The following PDE1C variants were observed in gnomAD, a reference collection of about 807,000 sequenced individuals.
PDE1C encodes phosphodiesterase 1C, also known as dual specificity calcium/calmodulin-dependent 3',5'-cyclic nucleotide phosphodiesterase 1C.
A neutral mutation model predicts 93.1 loss-of-function variants in PDE1C; 62 were observed. That is an observed-to-expected ratio of 0.67 (90% CI 0.54 to 0.82). The LOEUF is 0.82. Ranked by LOEUF, PDE1C falls within the 40% of genes least tolerant of loss-of-function variation. The pLI is 0.00. For synonymous variants in PDE1C, 325 were observed against 310.1 expected, an observed-to-expected ratio of 1.05 and a Z score of -0.50; for missense variants, 742 against 884.6, an observed-to-expected ratio of 0.84 and a Z score of 2.04.
chr7:31,942,151 G>C (rs1011941065), intron 2 of PDE1C, among the ~76,000 whole-genome samples: 3 of 152,274 alleles, frequency 2.0e-5, no homozygotes, highest in African/African-American at 7.2e-5. Flanking sequence ...GCAGCATGGG[G>C]AAACCTCAGG....
chr7:31,625,782 AC>A, the PDE1C span, among the ~76,000 whole-genome samples: 2 of 152,142 alleles, frequency 1.3e-5, no homozygotes, highest in South Asian at 2.1e-4. Context: ...TAAAAAAAAA[AC>A]AGTTAAAGAA....
the PDE1C span, among the ~76,000 whole-genome samples, chr7:31,741,985 A>G: frequency 6.6e-6 from 1 of 152,214 alleles, no homozygotes; most frequent in Non-Finnish European, 1.5e-5. Flanking sequence ...TGCCCACTGG[A>G]TGAGAGCTCC....
At chr7:31,864,921 A>T in intron 7 of PDE1C, 21 bp downstream of exon 7, 1 of 1,608,456 alleles carries the variant, frequency 6.2e-7, no homozygotes, top group South Asian at 1.1e-5. Flanking sequence ...GGGGAACCTA[A>T]GAGTTCCTAT....
At chr7:31,779,250 T>A (rs769743751) in intron 16 of PDE1C, among the ~76,000 whole-genome samples, 5 of 152,190 alleles carry the variant, frequency 3.3e-5, no homozygotes, top group Non-Finnish European at 5.9e-5. Context: ...TGGATACTCT[T>A]GTGAAGTTGA....
chr7:31,802,322 G>C (rs1562824448), intron 16 of PDE1C, among the ~76,000 whole-genome samples: 1 of 151,482 alleles, frequency 6.6e-6, no homozygotes, highest in Non-Finnish European at 1.5e-5. Context: ...CCTCATGCAT[G>C]ATACTGAACC....
chr7:31,692,509 G>T, the PDE1C span: 1 of 1,605,570 alleles, frequency 6.2e-7, no homozygotes, highest in Non-Finnish European at 8.5e-7. Flanking sequence ...CTAGACCCTC[G>T]TTGCAGCCAC....
chr7:31,745,531 G>A, the PDE1C span, among the ~76,000 whole-genome samples: 2 of 152,178 alleles, frequency 1.3e-5, no homozygotes, highest in African/African-American at 2.4e-5. Flanking sequence ...ATGATGAGGA[G>A]TAATCCCAGC....
intron 2 of PDE1C, among the ~76,000 whole-genome samples, chr7:31,949,065 CA>C (rs1174103831): frequency 6.6e-6 from 1 of 152,110 alleles, no homozygotes; most frequent in Non-Finnish European, 1.5e-5. Context: ...CTACAATGAG[CA>C]AACAAATTTT....
At chr7:32,136,350 A>AT (rs1389437920) in intron 3 of PDE1C, among the ~76,000 whole-genome samples, 95 of 148,354 alleles carry the variant, frequency 6.4e-4, no homozygotes, top group African/African-American at 1.9e-3. Context: ...TTATTTATTT[A>AT]TTTATTTTTG....
the PDE1C span, among the ~76,000 whole-genome samples, chr7:31,631,186 TAAA>T: frequency 6.6e-6 from 1 of 151,158 alleles, no homozygotes; most frequent in Non-Finnish European, 1.5e-5. Flanking sequence ...GAAGAGCAGA[TAAA>T]AAAAAAGAGA....
At chr7:32,264,313 A>G (rs1183773259) in intron 1 of PDE1C, among the ~76,000 whole-genome samples, 2 of 152,254 alleles carry the variant, frequency 1.3e-5, no homozygotes, top group Non-Finnish European at 2.9e-5. Context: ...TACTATTAAT[A>G]TAGCCAAGCC....
At chr7:32,255,303 TGA>T (rs1809710460) in intron 1 of PDE1C, among the ~76,000 whole-genome samples, 1 of 152,108 alleles carries the variant, frequency 6.6e-6, no homozygotes, top group South Asian at 2.1e-4. Flanking sequence ...CCTCTCTCAC[TGA>T]GAGAGCAGCA....
intron 3 of PDE1C, among the ~76,000 whole-genome samples, chr7:32,125,094 A>G (rs765179361): frequency 2.6e-5 from 4 of 152,174 alleles, no homozygotes; most frequent in Non-Finnish European, 4.4e-5. Context: ...AGACATTTAC[A>G]TGGCCAACAA....
chr7:31,967,041 T>C (rs978708169), intron 2 of PDE1C, among the ~76,000 whole-genome samples: 2 of 151,790 alleles, frequency 1.3e-5, no homozygotes, highest in African/African-American at 4.8e-5. Flanking sequence ...AACATCAAAA[T>C]TAAAAGAACT....
At chr7:31,633,642 G>A in the PDE1C span, among the ~76,000 whole-genome samples, 13 of 152,306 alleles carry the variant, frequency 8.5e-5, no homozygotes, top group African/African-American at 3.1e-4. Flanking sequence ...GCTCTTAAAG[G>A]CATTGGCATT....
At chr7:31,691,530 C>A in the PDE1C span, among the ~76,000 whole-genome samples, 20 of 152,194 alleles carry the variant, frequency 1.3e-4, no homozygotes, top group Middle Eastern at 3.4e-3. Context: ...ATGCATTTCT[C>A]CTTCAGACCT....
At chr7:32,354,113 A>G (rs1562832) in intron 1 of PDE1C, among the ~76,000 whole-genome samples, 13,489 of 152,256 alleles carry the variant, frequency 0.089, 690 homozygotes, top group East Asian at 0.13. Flanking sequence ...ATTCTTGTAG[A>G]GTCTTAGGAC....
At chr7:31,625,158 C>A in the PDE1C span, among the ~76,000 whole-genome samples, 3 of 152,126 alleles carry the variant, frequency 2.0e-5, no homozygotes, top group Admixed American at 1.3e-4. Context: ...AATAGGAACA[C>A]TTTTACATTG....
chr7:31,724,764 C>G, the PDE1C span, among the ~76,000 whole-genome samples: 1 of 152,294 alleles, frequency 6.6e-6, no homozygotes, highest in East Asian at 1.9e-4. Context: ...ACAGCTTTCT[C>G]CAAAATACCT....
Sources: allele counts gnomAD v4.1 joint callset (sites outside exome capture counted in the v4.1 genomes callset), GRCh38; gene constraint gnomAD v4.1.1; transcripts MANE v1.5; gene names NCBI Gene and HGNC (gene_info 2026-07-23, HGNC 2026-07-21).